The following DYRK1A variants were observed in gnomAD, a reference collection of about 807,000 sequenced individuals.
DYRK1A encodes the protein dual specificity tyrosine-phosphorylation-regulated kinase 1A.
Under a neutral mutation model 79.7 loss-of-function variants are expected in DYRK1A, and 9 were observed. That is an observed-to-expected ratio of 0.11 (90% CI 0.07 to 0.20). The LOEUF (loss-of-function observed/expected upper bound fraction) is 0.20. Among genes scored for constraint, DYRK1A ranks in the 10% least tolerant of loss-of-function variants. The probability of loss-of-function intolerance (pLI) is 1.00; values close to 1 mark genes in which losing one functional copy is unlikely to be tolerated. For synonymous variants in DYRK1A, 349 were observed against 329.7 expected, an observed-to-expected ratio of 1.06 and a Z score of -0.63; for missense variants, 622 against 956.0, an observed-to-expected ratio of 0.65 and a Z score of 4.61.
rs368751319 is a variant in DYRK1A at position 37,516,918 on chromosome 21, C to T, written c.*4387C>T. On this transcript the variant is annotated 3_prime_UTR_variant, in exon 12 of 12. Transcript: ENST00000647188. ...AACACAACTAGAATGCTACAGGTCT[C>T]TCTTCCAGTATGCAGCTGCTGTACC... 6.6e-6 allele frequency: 1 copy of T among 152,250 alleles called. No individual in the cohort carries two copies. Among genetic ancestry groups the T allele is most frequent in the Non-Finnish European group, 1.5e-5 (1 of 68,052 alleles). The allele number at this position is 152,250 out of a possible 1,614,324, so 9.4% of individuals were successfully genotyped here.
intron 1 of DYRK1A, among the ~76,000 whole-genome samples, chr21:37,389,362 C>G (rs965668945): frequency 2.0e-5 from 3 of 148,824 alleles, no homozygotes; most frequent in Admixed American, 6.7e-5. Flanking sequence ...GGCGGGGTCT[C>G]ATTGTGTTGC....
chr21:37,460,788 A>G (rs1209795983), intron 2 of DYRK1A, among the ~76,000 whole-genome samples: 2 of 152,230 alleles, frequency 1.3e-5, no homozygotes, highest in Admixed American at 6.5e-5. Context: ...ATGACTGCCA[A>G]TAACTTAGTA....
At chr21:37,426,569 C>G (rs939051514) in intron 2 of DYRK1A, among the ~76,000 whole-genome samples, 1 of 151,768 alleles carries the variant, frequency 6.6e-6, no homozygotes, top group African/African-American at 2.4e-5. Context: ...AAAATGAAAC[C>G]TAAACAGAGT....
At position 37,482,230 on chromosome 21, in the gene DYRK1A, C is replaced by CG. The variant is rs2052671475; in HGVS notation, c.489+1409dup. 3.6e-5 allele frequency among the ~76,000 whole-genome samples: 3 copies of CG among 84,288 alleles called. No homozygotes were observed. The South Asian group carries it at 1.7e-3, about 47-fold the overall frequency. The allele number at this position is 84,288 out of a possible 152,430, so 55.3% of individuals were successfully genotyped here. ...TAAAACAGAAAGTGTTCTGTATTAT[C>CG]GGGGGAAATTCAGCCAGATATCGGG... On this transcript the variant is annotated intron_variant, in intron 5 of 11. Coordinates refer to ENST00000647188, the MANE Select transcript of DYRK1A (RefSeq NM_001347721.2).
chr21:37,472,624 C>T, intron 2 of DYRK1A, 60 bp from the exon 3 acceptor site: 3 of 1,372,292 alleles, frequency 2.2e-6, no homozygotes, highest in Non-Finnish European at 2.9e-6. Flanking sequence ...TTAGATATGT[C>T]AAATGATACA....
At chr21:37,473,958 A>C (rs748050666) in intron 3 of DYRK1A, among the ~76,000 whole-genome samples, 1 of 152,226 alleles carries the variant, frequency 6.6e-6, no homozygotes, top group East Asian at 1.9e-4. Context: ...GAAATCTAAT[A>C]ATAATAACAC....
chr21:37,425,202 T>C (rs530824802), intron 2 of DYRK1A, among the ~76,000 whole-genome samples: 4 of 152,276 alleles, frequency 2.6e-5, no homozygotes, highest in Non-Finnish European at 5.9e-5. Context: ...CTTATCCTCT[T>C]TGTGTGCCCT....
At chr21:37,473,383 GA>G (rs1190594156) in intron 3 of DYRK1A, among the ~76,000 whole-genome samples, 2 of 152,180 alleles carry the variant, frequency 1.3e-5, no homozygotes, top group African/African-American at 2.4e-5. Context: ...ATTTTTCTAT[GA>G]AGTGAATGGT....
At chr21:37,475,511 A>T (rs1209839023) in intron 3 of DYRK1A, among the ~76,000 whole-genome samples, 2 of 152,222 alleles carry the variant, frequency 1.3e-5, no homozygotes, top group African/African-American at 4.8e-5. Flanking sequence ...TTCCAAAAGA[A>T]AAAATTGGTT....
chr21:37,375,764 C>T (rs1439512663), intron 1 of DYRK1A, among the ~76,000 whole-genome samples: 1 of 151,782 alleles, frequency 6.6e-6, no homozygotes, highest in African/African-American at 2.4e-5. Flanking sequence ...TGACCTTGGC[C>T]TCCCGAAGTG....
chr21:37,421,337 T>A (rs913700195), intron 2 of DYRK1A, among the ~76,000 whole-genome samples: 5 of 152,114 alleles, frequency 3.3e-5, no homozygotes, highest in African/African-American at 1.2e-4. Context: ...GGGTTTTGTC[T>A]AGGGGAAAAA....
chr21:37,474,916 AAATAAC>A (rs1413666622), intron 3 of DYRK1A, among the ~76,000 whole-genome samples: 1 of 152,212 alleles, frequency 6.6e-6, no homozygotes, highest in Non-Finnish European at 1.5e-5. Context: ...AATGCTCTCA[AAATAAC>A]AAGAAAGGCA....
intron 1 of DYRK1A, among the ~76,000 whole-genome samples, chr21:37,387,370 CTA>C (rs1317739103): frequency 6.6e-6 from 1 of 152,200 alleles, no homozygotes; most frequent in Non-Finnish European, 1.5e-5. Flanking sequence ...AGATTGTGTA[CTA>C]TGATTACATT....
At chr21:37,465,885 C>A (rs748920198) in intron 2 of DYRK1A, among the ~76,000 whole-genome samples, 1 of 152,074 alleles carries the variant, frequency 6.6e-6, no homozygotes, top group Non-Finnish European at 1.5e-5. Context: ...GAATCAGAAC[C>A]GTCATTTTTA....
intron 1 of DYRK1A, among the ~76,000 whole-genome samples, chr21:37,417,529 CTTTTTT>C (rs3216074): frequency 5.5e-3 from 241 of 44,044 alleles, no homozygotes; most frequent in Non-Finnish European, 6.8e-3. Flanking sequence ...TTTTCTTTTT[CTTTTTT>C]TTTTTTTTTT....
At chr21:37,467,385 A>G (rs1388628788) in intron 2 of DYRK1A, among the ~76,000 whole-genome samples, 2 of 152,100 alleles carry the variant, frequency 1.3e-5, no homozygotes, top group African/African-American at 4.8e-5. Context: ...ATGTGCCACC[A>G]CACCCTACTA....
chr21:37,461,060 C>G (rs2051821623), intron 2 of DYRK1A, among the ~76,000 whole-genome samples: 1 of 151,884 alleles, frequency 6.6e-6, no homozygotes, highest in Non-Finnish European at 1.5e-5. Flanking sequence ...TGGTAAGGGC[C>G]CTTTTACTGT....
chr21:37,509,319 T>C (rs576944165), intron 11 of DYRK1A, among the ~76,000 whole-genome samples: 9 of 152,390 alleles, frequency 5.9e-5, no homozygotes, highest in African/African-American at 2.2e-4. Flanking sequence ...TCTTGACATA[T>C]ATTTTGGAGC....
chr21:37,445,327 A>C (rs970717065), intron 2 of DYRK1A, among the ~76,000 whole-genome samples: 19 of 152,206 alleles, frequency 1.2e-4, no homozygotes, highest in African/African-American at 3.6e-4. Flanking sequence ...GTTAGTAACT[A>C]AGGGGTGTTT....
Sources: allele counts gnomAD v4.1 joint callset (sites outside exome capture counted in the v4.1 genomes callset), GRCh38; gene constraint gnomAD v4.1.1; transcripts MANE v1.5; gene names NCBI Gene and HGNC (gene_info 2026-07-23, HGNC 2026-07-21).